ATP9B: variants seen among roughly 807,000 people sequenced by gnomAD.
The protein encoded by ATP9B is probable phospholipid-transporting ATPase IIB.
In ATP9B, 110 loss-of-function variants were observed where a neutral mutation model predicts 146.1. The observed-to-expected ratio is 0.75, with a 90% CI of 0.65 to 0.88. The LOEUF (loss-of-function observed/expected upper bound fraction) is 0.88. ATP9B is among the 40% of genes least tolerant of loss of function. The probability of loss-of-function intolerance (pLI) is 0.00; values close to 1 mark genes in which losing one functional copy is unlikely to be tolerated. For synonymous variants in ATP9B, 604 were observed against 569.7 expected (o/e 1.06, Z -0.86); for missense variants, 1,499 against 1,496.4 (o/e 1.00, Z -0.03).
At chr18:79,101,955 CT>C (rs962826118) in intron 2 of ATP9B, among the ~76,000 whole-genome samples, 3 of 148,574 alleles carry the variant, frequency 2.0e-5, no homozygotes, top group South Asian at 2.1e-4. Flanking sequence ...TATTTTTTTT[CT>C]TTTTTTTGAG....
intron 11 of ATP9B, among the ~76,000 whole-genome samples, chr18:79,228,123 G>A (rs547595078): frequency 6.6e-6 from 1 of 152,306 alleles, no homozygotes; most frequent in African/African-American, 2.4e-5. Context: ...CCAAAAAATA[G>A]CCTTTTAGAT....
intron 11 of ATP9B, among the ~76,000 whole-genome samples, chr18:79,219,986 G>A (rs1429039595): frequency 6.6e-6 from 1 of 152,146 alleles, no homozygotes; most frequent in African/African-American, 2.4e-5. Context: ...TTAAAATGGT[G>A]CCAGTAACCA....
chr18:79,365,668 G>A (rs984898393), intron 26 of ATP9B, among the ~76,000 whole-genome samples: 1 of 152,246 alleles, frequency 6.6e-6, no homozygotes. Context: ...GTGGATGGAA[G>A]GACATCTCCG....
intron 2 of ATP9B, among the ~76,000 whole-genome samples, chr18:79,100,415 T>C (rs2075176489): frequency 1.3e-5 from 2 of 152,170 alleles, no homozygotes; most frequent in South Asian, 4.1e-4. Flanking sequence ...GAGTGTGTTA[T>C]TAGATGATGG....
Position 79,310,045 on chromosome 18 carries a change from C to T in ATP9B, c.1773+2811C>T, listed in dbSNP as rs149072892. Among the ~76,000 whole-genome samples the T allele has an allele frequency of 1.7e-3, 261 of 152,286 alleles. 1 individual carries two copies. Among genetic ancestry groups the T allele is most frequent in the African/African-American group, 6.0e-3 (249 of 41,560 alleles). On this transcript the variant is annotated intron_variant, in intron 15 of 29. Transcript: ENST00000426216. ...ACAGTGGAAATATGAGCCTAAAACC[C>T]CACTGTTGCTGATCAGCATGTGGGC...
intron 1 of ATP9B, among the ~76,000 whole-genome samples, chr18:79,073,483 T>C (rs1221955201): frequency 6.6e-6 from 1 of 152,056 alleles, no homozygotes; most frequent in Non-Finnish European, 1.5e-5. Flanking sequence ...CAAAAACCAG[T>C]CAGGCGTGGC....
chr18:79,106,217 C>A (rs1054205893), intron 2 of ATP9B, among the ~76,000 whole-genome samples: 1 of 152,132 alleles, frequency 6.6e-6, no homozygotes. Context: ...GAAACTATTT[C>A]GCGTACATAG....
intron 2 of ATP9B, among the ~76,000 whole-genome samples, chr18:79,099,923 G>A (rs2075129529): frequency 6.6e-6 from 1 of 152,092 alleles, no homozygotes; most frequent in Non-Finnish European, 1.5e-5. Context: ...TCAAGAGATT[G>A]AGACCATCCT....
At chr18:79,070,206 A>T (rs192610310) in intron 1 of ATP9B, among the ~76,000 whole-genome samples, 1 of 152,358 alleles carries the variant, frequency 6.6e-6, no homozygotes, top group Non-Finnish European at 1.5e-5. Flanking sequence ...AAAATTTTAA[A>T]AAGTGTTGCT....
chr18:79,150,373 A>T (rs904149168), intron 6 of ATP9B, among the ~76,000 whole-genome samples: 37 of 152,266 alleles, frequency 2.4e-4, no homozygotes, highest in African/African-American at 7.9e-4. Context: ...CGTTTATCAC[A>T]GAGAAATGTT....
Position 79,327,554 on chromosome 18 carries a change from AGCG to A in ATP9B, c.1774-1586_1774-1584del, listed in dbSNP as rs1568697366. 3.5e-4 allele frequency among the ~76,000 whole-genome samples: 45 copies of A among 128,854 alleles called. 1 individual carries two copies. Among genetic ancestry groups the A allele is most frequent in the Non-Finnish European group, 4.9e-4 (30 of 60,688 alleles). 84.5% of individuals were successfully genotyped at this position (128,854 alleles called of 152,430 possible). A position where few individuals can be genotyped will look rare whatever the true frequency, so the allele number is the denominator to read the frequency against. ...CGTGGTTAGCGTGCTCTCCGTGGTT[AGCG>A]TGCTCTCCGTGGTTAGCGTGCTCTC... On this transcript the variant is annotated intron_variant, in intron 15 of 29. Coordinates refer to ENST00000426216, the MANE Select transcript of ATP9B (RefSeq NM_198531.5).
Position 79,344,366 on chromosome 18 carries a change from C to A in ATP9B, c.2472+12C>A. On this transcript the variant is annotated intron_variant, in intron 21 of 29. Coordinates refer to ENST00000426216, the MANE Select transcript of ATP9B (RefSeq NM_198531.5). Reference sequence around the variant, plus strand: ...GGGACTCTCTGGAGGTAAGGCTGGACCCTGAGTGAGTACATGTCTGTCTGT... The same window carrying A: ...GGGACTCTCTGGAGGTAAGGCTGGAACCTGAGTGAGTACATGTCTGTCTGT... 1 of 1,611,520 alleles carries A rather than the reference C, an allele frequency of 6.2e-7. No homozygotes were observed. Among genetic ancestry groups the A allele is most frequent in the Non-Finnish European group, 8.5e-7 (1 of 1,178,074 alleles).
chr18:79,290,821 T>G (rs1167009208), intron 13 of ATP9B, among the ~76,000 whole-genome samples: 1 of 152,252 alleles, frequency 6.6e-6, no homozygotes, highest in Non-Finnish European at 1.5e-5. Context: ...CCGCTGATTA[T>G]GTATGTGTCT....
Position 79,216,075 on chromosome 18 carries a change from T to G in ATP9B, c.1107+2037T>G, listed in dbSNP as rs2095624573. Among the ~76,000 whole-genome samples the G allele has an allele frequency of 5.8e-5, 7 of 120,258 alleles. No homozygotes were observed. The South Asian group carries it at 1.6e-3, about 27-fold the overall frequency. The allele number at this position is 120,258 out of a possible 152,430, so 78.9% of individuals were successfully genotyped here. A position where few individuals can be genotyped will look rare whatever the true frequency, so the allele number is the denominator to read the frequency against. ...TTGCATTTATGATGATATTTGAGGG[T>G]AAATTAATTTTAAATATGAATTTAA... On this transcript the variant is annotated intron_variant, in intron 11 of 29. Transcript: ENST00000426216.
At chr18:79,284,405 G>A (rs186650113) in intron 13 of ATP9B, among the ~76,000 whole-genome samples, 23 of 152,274 alleles carry the variant, frequency 1.5e-4, no homozygotes, top group South Asian at 6.2e-4. Context: ...GATGCATACC[G>A]TCCTGAGAAT....
intron 8 of ATP9B, among the ~76,000 whole-genome samples, chr18:79,183,771 A>AT (rs968379666): frequency 5.5e-4 from 74 of 135,646 alleles, no homozygotes; most frequent in Non-Finnish European, 7.1e-4. Flanking sequence ...TGGGGGGAGT[A>AT]TTTTTTTTTT....
chr18:79,320,086 C>T (rs1015337738), intron 15 of ATP9B, among the ~76,000 whole-genome samples: 33 of 152,200 alleles, frequency 2.2e-4, no homozygotes, highest in Admixed American at 5.9e-4. Context: ...TATGGTTTTG[C>T]CTGTGTCTTC....
chr18:79,102,870 A>C (rs909879529), intron 2 of ATP9B, among the ~76,000 whole-genome samples: 21 of 152,244 alleles, frequency 1.4e-4, no homozygotes, highest in Admixed American at 9.8e-4. Flanking sequence ...CTAAGTGTTT[A>C]ACTTTTTGGA....
At chr18:79,101,547 G>A (rs1297624155) in intron 2 of ATP9B, among the ~76,000 whole-genome samples, 2 of 152,186 alleles carry the variant, frequency 1.3e-5, no homozygotes, top group Non-Finnish European at 2.9e-5. Context: ...TGGAATAAAT[G>A]TCCAGAAACT....
Sources: allele counts gnomAD v4.1 joint callset (sites outside exome capture counted in the v4.1 genomes callset), GRCh38; gene constraint gnomAD v4.1.1; transcripts MANE v1.5; gene names NCBI Gene and HGNC (gene_info 2026-07-23, HGNC 2026-07-21).